The following ITGA2 variants were observed in gnomAD, a reference collection of about 807,000 sequenced individuals.
The protein encoded by ITGA2 is integrin subunit alpha 2, also known as integrin alpha-2.
ITGA2 carries 101 observed loss-of-function variants against 146.3 expected under a neutral mutation model. The observed-to-expected ratio is 0.69, with a 90% CI of 0.59 to 0.81. The LOEUF (loss-of-function observed/expected upper bound fraction) is 0.81. Among genes scored for constraint, ITGA2 ranks in the 40% least tolerant of loss-of-function variants. The pLI, the probability that ITGA2 is intolerant of heterozygous loss-of-function variation, is 0.00. For missense variants in ITGA2, 1,281 were observed against 1,402.7 expected, an observed-to-expected ratio of 0.91 and a Z score of 1.39; for synonymous variants, 477 against 487.1, an observed-to-expected ratio of 0.98 and a Z score of 0.27.
rs1740379461 is a variant in ITGA2 at position 53,090,832 on chromosome 5, G to A, written c.*233G>A. 1 of 595,706 alleles carries A rather than the reference G, an allele frequency of 1.7e-6. No individual in the cohort carries two copies. Among genetic ancestry groups the A allele is most frequent in the Admixed American group, 2.9e-5 (1 of 33,930 alleles). 36.9% of individuals were successfully genotyped at this position (595,706 alleles called of 1,614,324 possible). On this transcript the variant is annotated 3_prime_UTR_variant, in exon 30 of 30. Coordinates refer to ENST00000296585, the MANE Select transcript of ITGA2 (RefSeq NM_002203.4). Reference sequence around the variant, plus strand: ...GGGAAAATACCTATTTTATATGATGGGGGAAAAAAAGTAATCTTTAAACTG... The same window carrying A: ...GGGAAAATACCTATTTTATATGATGAGGGAAAAAAAGTAATCTTTAAACTG...
intron 11 of ITGA2, 23 bp from the exon 12 acceptor site, chr5:53,060,878 C>T (rs761336321): frequency 6.2e-7 from 1 of 1,610,008 alleles, no homozygotes; most frequent in Non-Finnish European, 8.5e-7. Context: ...ATGTTAATCA[C>T]TCTGTTGCTC....
chr5:53,089,899 CT>C (rs766902221), intron 28 of ITGA2, 46 bp from the exon 29 acceptor site: 3 of 1,139,396 alleles, frequency 2.6e-6, no homozygotes, highest in Non-Finnish European at 4.0e-6. Context: ...CATCTCCCCC[CT>C]TTTTTGTGGT....
At chr5:53,037,913 T>G (rs1038914844) in intron 2 of ITGA2, among the ~76,000 whole-genome samples, 5 of 152,198 alleles carry the variant, frequency 3.3e-5, no homozygotes, top group Admixed American at 1.3e-4. Context: ...CATGTATCTT[T>G]TAGGGAATTT....
At chr5:53,063,125 T>A (rs1561135347) in intron 13 of ITGA2, among the ~76,000 whole-genome samples, 196 bp downstream of exon 13, 1 of 152,004 alleles carries the variant, frequency 6.6e-6, no homozygotes, top group Non-Finnish European at 1.5e-5. Flanking sequence ...TAGAGTTGAA[T>A]GTATAGTGTA....
chr5:52,999,070 G>A (rs1363126712), intron 1 of ITGA2, among the ~76,000 whole-genome samples: 1 of 152,152 alleles, frequency 6.6e-6, no homozygotes, highest in Non-Finnish European at 1.5e-5. Context: ...CAAGTAACAA[G>A]ATGAATGAAA....
chr5:53,006,228 T>TTA (rs1053139980), intron 1 of ITGA2, among the ~76,000 whole-genome samples: 49 of 152,264 alleles, frequency 3.2e-4, no homozygotes, highest in African/African-American at 1.2e-3. Context: ...AAATAAAAAG[T>TTA]TACAGTTGTG....
At chr5:53,020,072 C>T (rs1742598021) in intron 1 of ITGA2, among the ~76,000 whole-genome samples, 1 of 152,064 alleles carries the variant, frequency 6.6e-6, no homozygotes, top group Admixed American at 6.5e-5. Flanking sequence ...AACACATTCC[C>T]TGAGGATAAG....
intron 7 of ITGA2, among the ~76,000 whole-genome samples, chr5:53,052,835 T>C (rs1744441510): frequency 6.6e-6 from 1 of 152,194 alleles, no homozygotes; most frequent in South Asian, 2.1e-4. Context: ...TCTTTACTGC[T>C]CTTCTCCTGT....
rs1554050586 is a variant in ITGA2, at chr5:52,989,814, G to GCACGCA, written c.64+285_64+286insGCACAC. The stretch of plus-strand genomic sequence containing the variant: ...AGTGCTTTGTTTTAGGTACACACAC[G>GCACGCA]CACACACACACACACACACACAGAC... On this transcript the variant is annotated intron_variant, in intron 1 of 29. Transcript: ENST00000296585. 2.1e-5 allele frequency among the ~76,000 whole-genome samples: 3 copies of GCACGCA among 145,978 alleles called. No homozygotes were observed. The East Asian group carries it at 6.1e-4, about 29-fold the overall frequency.
chr5:53,017,248 TTG>T, intron 1 of ITGA2, among the ~76,000 whole-genome samples: 1 of 152,328 alleles, frequency 6.6e-6, no homozygotes, highest in Non-Finnish European at 1.5e-5. Context: ...TTGCTACTTT[TTG>T]GATGGGTTGT....
intron 13 of ITGA2, 148 bp downstream of exon 13, chr5:53,063,077 T>G (rs1744973763): frequency 4.3e-6 from 3 of 701,652 alleles, no homozygotes; most frequent in Non-Finnish European, 7.0e-6. Context: ...ATGTCCCCAT[T>G]AAGTTATGAT....
In ITGA2 at chr5:53,004,367, G is replaced by A. The variant is rs56013776; in HGVS notation, c.64+14835G>A. 9.1e-3 allele frequency among the ~76,000 whole-genome samples: 1,391 copies of A among 152,202 alleles called. 20 individuals are homozygous for A. The highest frequency in any genetic ancestry group is 0.031 in the African/African-American group (1,303 of 41,512). On this transcript the variant is annotated intron_variant, in intron 1 of 29. Transcript: ENST00000296585. ...TTGTTGGGTCATTGGGAAGATCGAA[G>A]GGGATTATAAGTGAAAAAGTATTTT...
chr5:52,995,956 G>C (rs1741223137), intron 1 of ITGA2, among the ~76,000 whole-genome samples: 1 of 152,144 alleles, frequency 6.6e-6, no homozygotes, highest in African/African-American at 2.4e-5. Context: ...GAACTATTTG[G>C]AGAAGGAAGA....
At chr5:53,007,126 A>T (rs956947675) in intron 1 of ITGA2, among the ~76,000 whole-genome samples, 1 of 152,198 alleles carries the variant, frequency 6.6e-6, no homozygotes, top group Non-Finnish European at 1.5e-5. Context: ...ATAGGACTTA[A>T]TAAAATTGCT....
intron 1 of ITGA2, among the ~76,000 whole-genome samples, chr5:53,023,923 GA>G (rs1319924966): frequency 1.3e-5 from 2 of 152,148 alleles, no homozygotes; most frequent in Non-Finnish European, 2.9e-5. Flanking sequence ...AGATTGTCCA[GA>G]TTTATCAAAA....
intron 1 of ITGA2, among the ~76,000 whole-genome samples, chr5:52,993,757 G>C (rs1215406405): frequency 1.3e-5 from 2 of 152,158 alleles, no homozygotes; most frequent in African/African-American, 4.8e-5. Context: ...AGGAAGAATG[G>C]GGAAAATATT....
chr5:53,081,669 T>C lies in ITGA2; in HGVS notation c.3117T>C (p.Ser1039=). 1 of 1,612,784 alleles carries C rather than the reference T, an allele frequency of 6.2e-7. No individual in the cohort carries two copies. The highest frequency in any genetic ancestry group is 2.2e-5 in the East Asian group (1 of 44,744). ...GQTSSSVSFK[S]ENFRHTKELN... ...CATCTTCTTCTGTATCTTTCAAAAG[T>C]GAAAATTTCAGGCACACCAAAGAAT... Residue 1039 remains serine, a synonymous_variant, in exon 26 of 30, where the codon AGT becomes AGC. Transcript: ENST00000296585.
At chr5:53,075,404 A>G (rs1482459560) in intron 23 of ITGA2, 100 bp downstream of exon 23, 7 of 888,974 alleles carry the variant, frequency 7.9e-6, no homozygotes, top group Non-Finnish European at 1.3e-5. Context: ...CTCATTCTTA[A>G]CTGAAGAATT....
At position 53,074,005 on chromosome 5, in the gene ITGA2, T is replaced by C. The variant is rs144294143; in HGVS notation, c.2572-380T>C. ...TAAAATACAGACAAACACCAACATA[T>C]GATTTTACTTTCTTCTCTTGAAAAT... On this transcript the variant is annotated intron_variant, in intron 20 of 29. Coordinates refer to ENST00000296585, the MANE Select transcript of ITGA2 (RefSeq NM_002203.4). Among the ~76,000 whole-genome samples the C allele has an allele frequency of 5.9e-4, 85 of 145,192 alleles. 2 individuals carry two copies. The East Asian group carries it at 0.016, about 27-fold the overall frequency.
Sources: allele counts gnomAD v4.1 joint callset (sites outside exome capture counted in the v4.1 genomes callset), GRCh38; gene constraint gnomAD v4.1.1; transcripts MANE v1.5; gene names NCBI Gene and HGNC (gene_info 2026-07-23, HGNC 2026-07-21).